Variants in BANF2 observed in about 807,000 individuals in gnomAD.
The protein encoded by BANF2 is barrier-to-autointegration factor-like protein.
A neutral mutation model predicts 8.0 loss-of-function variants in BANF2; 4 were observed. The observed-to-expected ratio is 0.50, with a 90% CI of 0.25 to 1.14. The LOEUF is 1.14. Among genes scored for constraint, BANF2 ranks in the 50% most tolerant of loss-of-function variants. BANF2 has a pLI of 0.16. For synonymous variants in BANF2, 50 were observed against 40.6 expected (o/e 1.23, Z -0.88); for missense variants, 96 against 107.5 (o/e 0.89, Z 0.47).
intron 1 of BANF2, among the ~76,000 whole-genome samples, chr20:17,710,653 T>C (rs2037556476): frequency 6.6e-6 from 1 of 152,248 alleles, no homozygotes; most frequent in South Asian, 2.1e-4. Context: ...ACATCCAGAC[T>C]AGTGCTTGCC....
At chr20:17,730,318 G>A (rs1292090784) in intron 3 of BANF2, among the ~76,000 whole-genome samples, 1 of 152,194 alleles carries the variant, frequency 6.6e-6, no homozygotes, top group Non-Finnish European at 1.5e-5. Context: ...TTGAATCTGG[G>A]CGGATAGGCT....
intron 1 of BANF2, among the ~76,000 whole-genome samples, chr20:17,713,391 G>A (rs1056299882): frequency 1.3e-5 from 2 of 152,156 alleles, no homozygotes; most frequent in African/African-American, 4.8e-5. Context: ...AAAGTAGTCA[G>A]CTTCATAAAG....
chr20:17,735,125 G>GAAGAA (rs1180282599), intron 3 of BANF2, among the ~76,000 whole-genome samples: 3 of 151,846 alleles, frequency 2.0e-5, no homozygotes, highest in Non-Finnish European at 4.4e-5. Context: ...AAAGAAAAGA[G>GAAGAA]AAGAAAAGAA....
In BANF2 at chr20:17,726,557, G is replaced by A. The variant is rs565583242; in HGVS notation, c.126+1406G>A. 4.6e-5 allele frequency among the ~76,000 whole-genome samples: 7 copies of A among 152,270 alleles called. No individual in the cohort carries two copies. The South Asian group carries it at 1.5e-3, about 32-fold the overall frequency. The stretch of plus-strand genomic sequence containing the variant: ...TCCTATTGTGATGTAACATACCGAG[G>A]AGAATATGTGTTGATATAAAGGAAT... On this transcript the variant is annotated intron_variant, in intron 3 of 3. Transcript: ENST00000246090.
rs138617700 is a variant in BANF2, at chr20:17,714,115, A to G, written c.-166-8601A>G. ...TAGCTACTTGGCAGGCTTAGGTACA[A>G]GAACCCGGGAGGCAGAGATTGTAGT... On this transcript the variant is annotated intron_variant, in intron 1 of 3. Coordinates refer to ENST00000246090, the MANE Select transcript of BANF2 (RefSeq NM_178477.5). 8.3e-3 allele frequency among the ~76,000 whole-genome samples: 1,257 copies of G among 150,624 alleles called. 5 individuals are homozygous for G. Among genetic ancestry groups the G allele is most frequent in the Middle Eastern group, 0.02 (6 of 294 alleles).
chr20:17,694,796 A>T (rs1197063727), intron 1 of BANF2, among the ~76,000 whole-genome samples: 4 of 150,198 alleles, frequency 2.7e-5, no homozygotes, highest in Admixed American at 2.0e-4. Flanking sequence ...TTTTTTTAAA[A>T]TTTTCTGTAG....
chr20:17,719,333 T>C (rs552093713), intron 1 of BANF2, among the ~76,000 whole-genome samples: 2 of 152,224 alleles, frequency 1.3e-5, no homozygotes, highest in East Asian at 3.9e-4. Flanking sequence ...GGTTTCACCA[T>C]GTTGGCCAGG....
chr20:17,716,010 A>G (rs1467361199), intron 1 of BANF2, among the ~76,000 whole-genome samples: 1 of 152,022 alleles, frequency 6.6e-6, no homozygotes. Context: ...GACCATGACC[A>G]CGGTAGGCTC....
chr20:17,698,594 G>A (rs1339496644), upstream of BANF2, among the ~76,000 whole-genome samples: 1 of 152,194 alleles, frequency 6.6e-6, no homozygotes. Context: ...ATTGAATGAG[G>A]ACATTCTGCA....
At chr20:17,724,091 A>C (rs1452060686) in intron 2 of BANF2, among the ~76,000 whole-genome samples, 1 of 152,206 alleles carries the variant, frequency 6.6e-6, no homozygotes, top group Non-Finnish European at 1.5e-5. Flanking sequence ...TATGGAACCC[A>C]TGATATTTCG....
intron 1 of BANF2, among the ~76,000 whole-genome samples, chr20:17,714,459 C>T (rs1438076627): frequency 6.6e-6 from 1 of 152,114 alleles, no homozygotes; most frequent in African/African-American, 2.4e-5. Context: ...TATGTCCAGC[C>T]TAGATGGAAT....
intron 3 of BANF2, among the ~76,000 whole-genome samples, chr20:17,730,164 A>T (rs1485753997): frequency 6.6e-6 from 1 of 152,242 alleles, no homozygotes; most frequent in South Asian, 2.1e-4. Context: ...TAAGTGCATT[A>T]TGTATATTTA....
chr20:17,705,636 C>G (rs1316732555), intron 1 of BANF2, among the ~76,000 whole-genome samples: 1 of 152,210 alleles, frequency 6.6e-6, no homozygotes, highest in African/African-American at 2.4e-5. Context: ...TTGTGAATCC[C>G]TGAGAATGGG....
At chr20:17,725,292 T>C (rs973594447) in intron 3 of BANF2, 141 bp downstream of exon 3, 2 of 1,054,830 alleles carry the variant, frequency 1.9e-6, no homozygotes, top group African/African-American at 3.2e-5. Context: ...GCCACATGCT[T>C]TCGTGCTATT....
chr20:17,734,402 C>T (rs1936413412), intron 3 of BANF2, among the ~76,000 whole-genome samples: 1 of 152,176 alleles, frequency 6.6e-6, no homozygotes, highest in South Asian at 2.1e-4. Flanking sequence ...TTTTTGAATG[C>T]CTTCCCATTT....
At chr20:17,733,510 C>G (rs1306674996) in intron 3 of BANF2, among the ~76,000 whole-genome samples, 2 of 152,252 alleles carry the variant, frequency 1.3e-5, no homozygotes, top group East Asian at 3.9e-4. Flanking sequence ...TTAATATTCT[C>G]TCTCCTTGGA....
At chr20:17,734,506 A>G (rs1037986400) in intron 3 of BANF2, among the ~76,000 whole-genome samples, 1 of 152,212 alleles carries the variant, frequency 6.6e-6, no homozygotes, top group Non-Finnish European at 1.5e-5. Context: ...TTCAGGTTAC[A>G]TGAGTTGCCT....
chr20:17,717,650 T>G (rs1175129993), intron 1 of BANF2, among the ~76,000 whole-genome samples: 2 of 152,148 alleles, frequency 1.3e-5, no homozygotes, highest in African/African-American at 2.4e-5. Flanking sequence ...GGTAGAAATA[T>G]ACCAATTTTG....
intron 1 of BANF2, among the ~76,000 whole-genome samples, chr20:17,707,127 T>C (rs890751667): frequency 1.3e-4 from 19 of 151,972 alleles, no homozygotes; most frequent in African/African-American, 4.4e-4. Flanking sequence ...CTCACGCCTG[T>C]AATCCCAGCA....
Sources: gnomAD v4.1 joint callset for allele counts (sites outside exome capture counted in the v4.1 genomes callset) on GRCh38, gnomAD v4.1.1 for gene constraint, MANE v1.5 for transcripts, NCBI Gene and HGNC (gene_info 2026-07-23, HGNC 2026-07-21) for gene names.